SH3RF3: variants seen among roughly 807,000 people sequenced by gnomAD.
The protein encoded by SH3RF3 is E3 ubiquitin-protein ligase SH3RF3.
Under a neutral mutation model 66.3 loss-of-function variants are expected in SH3RF3, and 29 were observed. That is an observed-to-expected ratio of 0.44 (90% CI 0.33 to 0.60). The LOEUF (loss-of-function observed/expected upper bound fraction) is 0.60, where lower values mean the gene tolerates loss of function less well. Ranked by LOEUF, SH3RF3 falls within the 20% of genes least tolerant of loss-of-function variation. The pLI is 0.04. For synonymous variants in SH3RF3, 583 were observed against 532.0 expected, an observed-to-expected ratio of 1.10 and a Z score of -1.32; for missense variants, 1,194 against 1,190.9, an observed-to-expected ratio of 1.00 and a Z score of -0.04.
intron 1 of SH3RF3, among the ~76,000 whole-genome samples, chr2:109,270,191 G>A (rs1680591949): frequency 6.6e-6 from 1 of 152,154 alleles, no homozygotes; most frequent in African/African-American, 2.4e-5. Flanking sequence ...CAGCAAATTG[G>A]GGCAGCATGT....
intron 1 of SH3RF3, among the ~76,000 whole-genome samples, chr2:109,248,719 C>G (rs182568844): frequency 1.3e-5 from 2 of 151,934 alleles, no homozygotes; most frequent in Non-Finnish European, 1.5e-5. Flanking sequence ...TTCCTTGCCT[C>G]CTTCTTTTCT....
chr2:109,150,179 A>C (rs998066577), intron 1 of SH3RF3, among the ~76,000 whole-genome samples: 1 of 152,176 alleles, frequency 6.6e-6, no homozygotes, highest in African/African-American at 2.4e-5. Flanking sequence ...ATCCTGCCAG[A>C]TCTGCACCTG....
chr2:109,277,800 C>G (rs1395142466), intron 1 of SH3RF3, among the ~76,000 whole-genome samples: 1 of 152,118 alleles, frequency 6.6e-6, no homozygotes, highest in African/African-American at 2.4e-5. Context: ...GTTCTTATAC[C>G]TGGCAGTCTT....
intron 3 of SH3RF3, among the ~76,000 whole-genome samples, chr2:109,394,487 C>T (rs1035313699): frequency 3.3e-5 from 5 of 152,190 alleles, no homozygotes; most frequent in Admixed American, 6.5e-5. Context: ...GGGAAGGGCA[C>T]ACACCTGCAC....
rs367931120 is a variant in SH3RF3 at position 109,501,541 on chromosome 2, C to T, written c.2519C>T (p.Ala840Val). Residue 840 changes from alanine to valine, a missense_variant, in exon 10 of 10, where the codon GCG (alanine) becomes GTG (valine). Physicochemically the swap from Ala to Val is moderately conservative, Grantham distance 64 (BLOSUM62 0). Coordinates refer to ENST00000309415, the MANE Select transcript of SH3RF3 (RefSeq NM_001099289.3). ...GTCTCGTACCCACCCCAGAGTGAGG[C>T]GGAGATCGAGCTGAAGGAAGGCGAC... ...VVVSYPPQSE[A>V]EIELKEGDIV... 1.4e-5 allele frequency: 11 copies of T among 779,210 alleles called. No individual in the cohort carries two copies. Among genetic ancestry groups the T allele is most frequent in the East Asian group, 9.7e-5 (4 of 41,206 alleles). 48.3% of individuals were successfully genotyped at this position (779,210 alleles called of 1,614,324 possible). A position where few individuals can be genotyped will look rare whatever the true frequency, so the allele number is the denominator to read the frequency against.
chr2:109,459,256 T>G (rs1221237426), intron 8 of SH3RF3, among the ~76,000 whole-genome samples: 1 of 152,180 alleles, frequency 6.6e-6, no homozygotes, highest in African/African-American at 2.4e-5. Context: ...AGACATATTC[T>G]TAACAAAATA....
At chr2:109,251,371 G>C in intron 1 of SH3RF3, 1 of 638,890 alleles carries the variant, frequency 1.6e-6, no homozygotes, top group Non-Finnish European at 2.9e-6. Flanking sequence ...GAGCATGAGG[G>C]AGTCTGTGCA....
chr2:109,217,971 T>C (rs562873543), intron 1 of SH3RF3, among the ~76,000 whole-genome samples: 1 of 152,328 alleles, frequency 6.6e-6, no homozygotes, highest in South Asian at 2.1e-4. Flanking sequence ...GCCTTGCTCC[T>C]GCCGGTTGCC....
intron 8 of SH3RF3, among the ~76,000 whole-genome samples, chr2:109,466,881 GTA>G (rs781284801): frequency 6.6e-6 from 1 of 152,202 alleles, no homozygotes; most frequent in South Asian, 2.1e-4. Context: ...ATGTTTGTGT[GTA>G]TATGTGTGCA....
chr2:109,179,750 C>G (rs1045271404), intron 1 of SH3RF3, among the ~76,000 whole-genome samples: 10 of 152,176 alleles, frequency 6.6e-5, no homozygotes, highest in African/African-American at 2.4e-4. Context: ...TCCAAAGACC[C>G]TGCCTCAAGA....
chr2:109,261,895 G>A (rs1217927158), intron 1 of SH3RF3, among the ~76,000 whole-genome samples: 4 of 151,964 alleles, frequency 2.6e-5, no homozygotes, highest in African/African-American at 2.4e-5. Context: ...CTGCTGATAC[G>A]AGACATGTTG....
chr2:109,355,851 G>T (rs756889836), intron 2 of SH3RF3, among the ~76,000 whole-genome samples: 19 of 152,232 alleles, frequency 1.2e-4, no homozygotes, highest in Non-Finnish European at 2.8e-4. Flanking sequence ...CTGTGAAGCA[G>T]CTATTTCCTC....
At chr2:109,477,567 C>T (rs1158396639) in intron 8 of SH3RF3, among the ~76,000 whole-genome samples, 5 of 152,178 alleles carry the variant, frequency 3.3e-5, no homozygotes, top group Middle Eastern at 3.4e-3. Context: ...GGGGTCACAG[C>T]GCCTGTTGTA....
intron 6 of SH3RF3, 105 bp downstream of exon 6, chr2:109,432,776 G>A (rs1425663064): frequency 1.4e-6 from 2 of 1,427,062 alleles, no homozygotes; most frequent in African/African-American, 2.9e-5. Context: ...GGCCCAGAAG[G>A]CAGCAAGGCC....
At chr2:109,413,534 C>CTG (rs1422667000) in intron 4 of SH3RF3, among the ~76,000 whole-genome samples, 1 of 152,208 alleles carries the variant, frequency 6.6e-6, no homozygotes, top group African/African-American at 2.4e-5. Flanking sequence ...CTGTCTCTCT[C>CTG]TGTGTCTCTG....
chr2:109,231,951 A>T (rs1315795782), intron 1 of SH3RF3, among the ~76,000 whole-genome samples: 1 of 152,252 alleles, frequency 6.6e-6, no homozygotes, highest in Non-Finnish European at 1.5e-5. Flanking sequence ...AGTTGTGTCC[A>T]TCACCACAAT....
intron 1 of SH3RF3, among the ~76,000 whole-genome samples, chr2:109,198,455 T>C (rs1678559111): frequency 6.6e-6 from 1 of 152,096 alleles, no homozygotes; most frequent in African/African-American, 2.4e-5. Context: ...CAGCACAGAT[T>C]GGAGGATGAT....
intron 1 of SH3RF3, among the ~76,000 whole-genome samples, chr2:109,246,184 A>G (rs1384046637): frequency 1.3e-5 from 2 of 152,208 alleles, no homozygotes; most frequent in African/African-American, 4.8e-5. Flanking sequence ...TAGGCTTTTC[A>G]AGCTGCTGTA....
intron 8 of SH3RF3, among the ~76,000 whole-genome samples, chr2:109,472,066 T>C (rs1388938437): frequency 3.3e-5 from 5 of 152,258 alleles, no homozygotes; most frequent in Non-Finnish European, 5.9e-5. Context: ...TCTCAGCTTC[T>C]TTCAAATTCC....
Sources: allele counts gnomAD v4.1 joint callset (sites outside exome capture counted in the v4.1 genomes callset), GRCh38; gene constraint gnomAD v4.1.1; transcripts MANE v1.5; gene names NCBI Gene and HGNC (gene_info 2026-07-23, HGNC 2026-07-21).